Variants in HGD observed in about 807,000 individuals in gnomAD.
HGD encodes homogentisate 1,2-dioxygenase.
In HGD, 61 loss-of-function variants were observed where a neutral mutation model predicts 60.8. The observed-to-expected ratio is 1.00, with a 90% CI of 0.82 to 1.24. The LOEUF is 1.24. Ranked by LOEUF, HGD falls within the 50% of genes most tolerant of loss-of-function variation. The pLI is 0.00. For missense variants in HGD, 542 were observed against 547.1 expected (o/e 0.99, Z 0.09); for synonymous variants, 212 against 187.7 (o/e 1.13, Z -1.06).
At chr3:120,630,823 T>C (rs200226427) in intron 13 of HGD, among the ~76,000 whole-genome samples, 25 of 70,482 alleles carry the variant, frequency 3.5e-4, no homozygotes, top group South Asian at 2.0e-3. Context: ...TATATATATA[T>C]ATACACATAC....
chr3:120,629,702 C>G (rs1428542317), intron 13 of HGD, among the ~76,000 whole-genome samples: 1 of 152,174 alleles, frequency 6.6e-6, no homozygotes, highest in Admixed American at 6.5e-5. Context: ...GAAGCATTCC[C>G]TTTGAAAACC....
Position 120,639,754 on chromosome 3 carries a change from T to A in HGD, c.880-1173A>T, listed in dbSNP as rs551391419. ...TTGGCAGAAAAGTCTGAGAAGTGGT[T>A]CATTGCTTTCCTACCTTTGTTTGAC... On this transcript the variant is annotated intron_variant, in intron 11 of 13. Coordinates refer to ENST00000283871, the MANE Select transcript of HGD (RefSeq NM_000187.4). Among the ~76,000 whole-genome samples the A allele has an allele frequency of 7.2e-5, 11 of 152,302 alleles. No individual in the cohort carries two copies. In the East Asian group the frequency reaches 1.9e-3, roughly 27 times the overall value.
At chr3:120,650,681 A>G (rs1941309729) in intron 6 of HGD, 93 bp downstream of exon 6, 1 of 868,512 alleles carries the variant, frequency 1.2e-6, no homozygotes, top group Admixed American at 1.7e-5. Flanking sequence ...GTATGTGCAT[A>G]TGTGACTTCA....
At chr3:120,668,581 A>G (rs1372904637) in intron 4 of HGD, among the ~76,000 whole-genome samples, 2 of 151,830 alleles carry the variant, frequency 1.3e-5, no homozygotes, top group Non-Finnish European at 2.9e-5. Context: ...AAGCCTTCAG[A>G]GTAAAAAATA....
intron 9 of HGD, 102 bp from the exon 10 acceptor site, chr3:120,644,545 C>T (rs1396795162): frequency 1.9e-6 from 3 of 1,588,788 alleles, no homozygotes; most frequent in Non-Finnish European, 2.6e-6. Flanking sequence ...TCAAGAGCTA[C>T]TCCACAAATT....
intron 4 of HGD, among the ~76,000 whole-genome samples, chr3:120,655,084 A>G (rs927210415): frequency 2.6e-5 from 4 of 152,130 alleles, no homozygotes; most frequent in African/African-American, 9.7e-5. Flanking sequence ...AACAAAAAAC[A>G]ACAAAAACAA....
At chr3:120,630,295 A>C (rs1271097282) in intron 13 of HGD, among the ~76,000 whole-genome samples, 2 of 152,200 alleles carry the variant, frequency 1.3e-5, no homozygotes, top group African/African-American at 4.8e-5. Context: ...ATATGGAACC[A>C]AAAAAGAGCC....
At chr3:120,679,302 T>C (rs946176986) in intron 1 of HGD, among the ~76,000 whole-genome samples, 1 of 152,202 alleles carries the variant, frequency 6.6e-6, no homozygotes, top group Admixed American at 6.5e-5. Context: ...TTCCTCTTAC[T>C]GGGCATGAAG....
intron 3 of HGD, among the ~76,000 whole-genome samples, chr3:120,671,147 T>C (rs1316398013): frequency 6.6e-6 from 1 of 152,218 alleles, no homozygotes; most frequent in Non-Finnish European, 1.5e-5. Flanking sequence ...GATTTTCTTA[T>C]ATATTTCTTA....
intron 12 of HGD, among the ~76,000 whole-genome samples, chr3:120,637,074 A>G (rs1940805473): frequency 6.6e-6 from 1 of 152,198 alleles, no homozygotes; most frequent in Non-Finnish European, 1.5e-5. Flanking sequence ...TGTCAACCTC[A>G]TTAAGTACAG....
At chr3:120,636,765 G>A (rs535812329) in intron 12 of HGD, among the ~76,000 whole-genome samples, 5 of 152,268 alleles carry the variant, frequency 3.3e-5, no homozygotes, top group African/African-American at 4.8e-5. Context: ...AGTGGCCTAC[G>A]TCCATCCTAA....
intron 9 of HGD, chr3:120,644,650 A>T (rs995211807): frequency 1.3e-6 from 2 of 1,515,674 alleles, no homozygotes; most frequent in African/African-American, 2.8e-5. Context: ...AAAAACCAGC[A>T]TTACTTTCTA....
chr3:120,660,607 C>T (rs902916021), intron 4 of HGD, among the ~76,000 whole-genome samples: 1 of 152,124 alleles, frequency 6.6e-6, no homozygotes, highest in Non-Finnish European at 1.5e-5. Context: ...GCCAGATCAC[C>T]TGAGATGAGG....
intron 4 of HGD, 88 bp from the exon 5 acceptor site, chr3:120,652,739 G>T (rs1941382672): frequency 4.6e-6 from 4 of 867,798 alleles, no homozygotes; most frequent in Non-Finnish European, 7.6e-6. Flanking sequence ...ACATAGAAAA[G>T]AAAGGACAGC....
At position 120,682,214 on chromosome 3, in the gene HGD, T is replaced by G; in HGVS notation, c.-103A>C. On this transcript the variant is annotated 5_prime_UTR_variant, in exon 1 of 14. Transcript: ENST00000283871. Reference sequence around the variant, plus strand: ...TCAAACCACTCTTTGGATATTCCGGTTCCCACTGCTTCACTGCGCTTCACT... The same window carrying G: ...TCAAACCACTCTTTGGATATTCCGGGTCCCACTGCTTCACTGCGCTTCACT... The G allele has an allele frequency of 5.5e-6, 6 of 1,095,128 alleles. No homozygotes were observed. Among genetic ancestry groups the G allele is most frequent in the Non-Finnish European group, 8.5e-6 (6 of 708,750 alleles). The allele number at this position is 1,095,128 out of a possible 1,614,324, so 67.8% of individuals were successfully genotyped here.
chr3:120,631,013 A>G (rs1212275925), intron 13 of HGD, among the ~76,000 whole-genome samples: 1 of 151,828 alleles, frequency 6.6e-6, no homozygotes, highest in Admixed American at 6.6e-5. Flanking sequence ...TCACTTCTAA[A>G]TGGGAGCTAA....
intron 4 of HGD, among the ~76,000 whole-genome samples, chr3:120,661,452 T>C (rs922291594): frequency 6.6e-6 from 1 of 152,216 alleles, no homozygotes; most frequent in Non-Finnish European, 1.5e-5. Flanking sequence ...GAGGTGAACA[T>C]GACATTGTCT....
At chr3:120,661,165 T>G (rs1480882072) in intron 4 of HGD, among the ~76,000 whole-genome samples, 2 of 152,182 alleles carry the variant, frequency 1.3e-5, no homozygotes, top group Admixed American at 6.5e-5. Flanking sequence ...CCCTTTGATC[T>G]TAGCCTGTCT....
Position 120,674,827 on chromosome 3 carries a change from G to A in HGD, c.176+74C>T, listed in dbSNP as rs1326955800. On this transcript the variant is annotated intron_variant, in intron 3 of 13. Transcript: ENST00000283871. ...GGCAGCTCTGGGAGGCTGTGGCCCA[G>A]GGGAAGGAGGCAGCACAAAGTCCCT... 3 of 996,344 alleles carry A rather than the reference G, an allele frequency of 3.0e-6. No individual in the cohort carries two copies. The East Asian group carries it at 7.4e-5, about 24-fold the overall frequency. The allele number at this position is 996,344 out of a possible 1,614,324, so 61.7% of individuals were successfully genotyped here. A position where few individuals can be genotyped will look rare whatever the true frequency, so the allele number is the denominator to read the frequency against.
Sources: gnomAD v4.1 joint callset for allele counts (sites outside exome capture counted in the v4.1 genomes callset) on GRCh38, gnomAD v4.1.1 for gene constraint, MANE v1.5 for transcripts, NCBI Gene and HGNC (gene_info 2026-07-23, HGNC 2026-07-21) for gene names.